Variants in AAK1 observed in about 807,000 individuals in gnomAD.
The protein encoded by AAK1 is AP2-associated protein kinase 1.
Under a neutral mutation model 116.0 loss-of-function variants are expected in AAK1, and 37 were observed. The ratio of observed to expected loss-of-function variants is 0.32; its 90% CI spans 0.25 to 0.42. The LOEUF (loss-of-function observed/expected upper bound fraction) is 0.42, where lower values mean the gene tolerates loss of function less well. Ranked by LOEUF, AAK1 falls within the 10% of genes least tolerant of loss-of-function variation. The probability of loss-of-function intolerance (pLI) is 1.00; values close to 1 mark genes in which losing one functional copy is unlikely to be tolerated. For missense variants in AAK1, 919 were observed against 1,170.6 expected, an observed-to-expected ratio of 0.79 and a Z score of 3.14; for synonymous variants, 458 against 439.9, an observed-to-expected ratio of 1.04 and a Z score of -0.51.
At chr2:69,574,398 A>T (rs964809697) in intron 2 of AAK1, among the ~76,000 whole-genome samples, 9 of 149,724 alleles carry the variant, frequency 6.0e-5, no homozygotes, top group African/African-American at 2.2e-4. Context: ...AAAAAAAAAA[A>T]AGAGAAGAGA....
chr2:69,476,713 T>C (rs1006514083), intron 21 of AAK1, among the ~76,000 whole-genome samples, 167 bp downstream of exon 21: 1 of 152,192 alleles, frequency 6.6e-6, no homozygotes, highest in Non-Finnish European at 1.5e-5. Flanking sequence ...ACTTTAAAGA[T>C]ACCTATCTCT....
intron 3 of AAK1, among the ~76,000 whole-genome samples, chr2:69,545,233 C>T (rs559768518): frequency 6.6e-6 from 1 of 152,228 alleles, no homozygotes; most frequent in African/African-American, 2.4e-5. Flanking sequence ...TGAGCACCTC[C>T]TATGTGTCAG....
intron 19 of AAK1, among the ~76,000 whole-genome samples, chr2:69,480,613 T>C (rs1318602601): frequency 1.3e-5 from 2 of 152,014 alleles, no homozygotes; most frequent in Non-Finnish European, 2.9e-5. Context: ...AAAGAAATAC[T>C]GTAACCAGAG....
At position 69,507,865 on chromosome 2, in the gene AAK1, C is replaced by T. The variant is rs1029621907; in HGVS notation, c.2007-287G>A. On this transcript the variant is annotated intron_variant, in intron 14 of 21. Coordinates refer to ENST00000409085, the MANE Select transcript of AAK1 (RefSeq NM_014911.5). ...GGGATTACAGGCGCATGCCACCACG[C>T]CTGGCTAATTTTTGTATTTTTAGTA... Among the ~76,000 whole-genome samples the T allele has an allele frequency of 2.0e-5, 3 of 152,076 alleles. No homozygotes were observed. In the East Asian group the frequency reaches 5.8e-4, roughly 29 times the overall value.
At chr2:69,544,886 A>C (rs948042965) in intron 3 of AAK1, among the ~76,000 whole-genome samples, 62 of 152,258 alleles carry the variant, frequency 4.1e-4, no homozygotes, top group Non-Finnish European at 4.3e-4. Flanking sequence ...TAAAGAGTAG[A>C]GAGACCGTGT....
intron 16 of AAK1, among the ~76,000 whole-genome samples, chr2:69,500,584 T>C (rs997915483): frequency 2.7e-5 from 4 of 150,516 alleles, no homozygotes; most frequent in South Asian, 2.1e-4. Flanking sequence ...ATGCCTCAAG[T>C]GCTTGATACA....
In AAK1 at chr2:69,464,387, A is replaced by G. The variant is rs533533871; in HGVS notation, c.*11482T>C. On this transcript the variant is annotated 3_prime_UTR_variant, in exon 22 of 22. Transcript: ENST00000409085. ...AATGTATAAGGAAAATTAATTTTTC[A>G]TAATCAGGTAAATATAATTTGTTAA... 6.6e-5 allele frequency: 10 copies of G among 152,416 alleles called. No individual in the cohort carries two copies. The East Asian group carries it at 1.9e-3, about 29-fold the overall frequency. 9.4% of individuals were successfully genotyped at this position (152,416 alleles called of 1,614,324 possible).
At chr2:69,614,648 C>T (rs1340627884) in intron 2 of AAK1, among the ~76,000 whole-genome samples, 1 of 152,190 alleles carries the variant, frequency 6.6e-6, no homozygotes, top group African/African-American at 2.4e-5. Context: ...AGGTCCATGT[C>T]CTAAGCCCAG....
At position 69,468,954 on chromosome 2, in the gene AAK1, A is replaced by G. The variant is rs1282225696; in HGVS notation, c.*6915T>C. 1 of 985,452 alleles carries G rather than the reference A, an allele frequency of 1.0e-6. No homozygotes were observed. Among genetic ancestry groups the G allele is most frequent in the Non-Finnish European group, 1.2e-6 (1 of 829,932 alleles). The allele number at this position is 985,452 out of a possible 1,614,324, so 61.0% of individuals were successfully genotyped here. A position where few individuals can be genotyped will look rare whatever the true frequency, so the allele number is the denominator to read the frequency against. ...CTGGGAAAATCAGACTTAAAATTCC[A>G]ACAACTTTGAATAATTTACAAAAAC... On this transcript the variant is annotated 3_prime_UTR_variant, in exon 22 of 22. Coordinates refer to ENST00000409085, the MANE Select transcript of AAK1 (RefSeq NM_014911.5).
intron 17 of AAK1, among the ~76,000 whole-genome samples, chr2:69,490,310 T>C (rs1483286963): frequency 6.6e-6 from 1 of 152,166 alleles, no homozygotes; most frequent in Non-Finnish European, 1.5e-5. Context: ...TTTCTGGGTA[T>C]ATACCCAAGA....
chr2:69,634,664 C>T (rs1573030252), intron 2 of AAK1, among the ~76,000 whole-genome samples: 1 of 152,200 alleles, frequency 6.6e-6, no homozygotes, highest in East Asian at 1.9e-4. Flanking sequence ...AGTCTCTAAG[C>T]TATGGGTTTG....
chr2:69,467,653 T>C lies in AAK1; in HGVS notation c.*8216A>G. ...AGATGACCCAGAACCTCTGTAGAGATGGAACTCAATGATCCCCTTCCCATA... is the reference window on the plus strand; with the variant it reads ...AGATGACCCAGAACCTCTGTAGAGACGGAACTCAATGATCCCCTTCCCATA... On this transcript the variant is annotated 3_prime_UTR_variant, in exon 22 of 22. Transcript: ENST00000409085. 4 of 985,420 alleles carry C rather than the reference T, an allele frequency of 4.1e-6. No individual in the cohort carries two copies. The highest frequency in any genetic ancestry group is 4.8e-6 in the Non-Finnish European group (4 of 829,934). The allele number at this position is 985,420 out of a possible 1,614,324, so 61.0% of individuals were successfully genotyped here.
intron 18 of AAK1, chr2:69,482,344 C>T (rs1675120659): frequency 3.4e-5 from 17 of 498,892 alleles, no homozygotes; most frequent in Non-Finnish European, 6.0e-5. Context: ...AAGAGTGAAA[C>T]TCTGTCTCAA....
At chr2:69,529,567 G>A (rs1670160259) in intron 8 of AAK1, among the ~76,000 whole-genome samples, 1 of 152,180 alleles carries the variant, frequency 6.6e-6, no homozygotes, top group African/African-American at 2.4e-5. Context: ...TAAATGAGAA[G>A]AAAAACCTGG....
intron 2 of AAK1, among the ~76,000 whole-genome samples, chr2:69,576,306 A>G (rs1672311560): frequency 6.6e-6 from 1 of 152,126 alleles, no homozygotes; most frequent in South Asian, 2.1e-4. Flanking sequence ...TTTAAGATAC[A>G]TATATGTTAA....
chr2:69,556,899 C>T lies in AAK1; in HGVS notation c.243G>A (p.Glu81=), dbSNP rs758501384. 1 of 1,613,942 alleles carries T rather than the reference C, an allele frequency of 6.2e-7. No homozygotes were observed. Among genetic ancestry groups the T allele is most frequent in the South Asian group, 1.1e-5 (1 of 91,086 alleles). ...CALKRMFVNN[E]HDLQVCKREI... is the part of the protein sequence containing the mutation. The stretch of plus-strand genomic sequence containing the variant: ...CTCTCTTGCACACCTGGAGATCATG[C>T]TCATTGTTGACAAACATGCGTTTCA... Residue 81 remains glutamate (E), a synonymous_variant, in exon 3 of 22, where the codon GAG becomes GAA. Coordinates refer to ENST00000409085, the MANE Select transcript of AAK1 (RefSeq NM_014911.5).
chr2:69,555,612 C>T (rs761682212), intron 3 of AAK1, among the ~76,000 whole-genome samples: 6 of 152,132 alleles, frequency 3.9e-5, no homozygotes, highest in Non-Finnish European at 8.8e-5. Flanking sequence ...TCTGCTATTA[C>T]CATTATTCAA....
chr2:69,509,904 G>A (rs938579766), intron 13 of AAK1, among the ~76,000 whole-genome samples: 2 of 152,126 alleles, frequency 1.3e-5, no homozygotes, highest in Non-Finnish European at 2.9e-5. Context: ...CAATGAAGAC[G>A]TATCTCCAGC....
At position 69,540,121 on chromosome 2, in the gene AAK1, C is replaced by CTTTTT. The variant is rs538276702; in HGVS notation, c.534+2397_534+2401dup. On this transcript the variant is annotated intron_variant, in intron 5 of 21. Coordinates refer to ENST00000409085, the MANE Select transcript of AAK1 (RefSeq NM_014911.5). The stretch of plus-strand genomic sequence containing the variant: ...AACATGCATTCCCTGCCCCACTTGC[C>CTTTTT]TTTTTTTTTTTTTTTTTTGAGACAG... Among the ~76,000 whole-genome samples, 17 of 127,814 alleles carry CTTTTT rather than the reference C, an allele frequency of 1.3e-4. 4 individuals are homozygous for CTTTTT. Among genetic ancestry groups the CTTTTT allele is most frequent in the African/African-American group, 3.1e-4 (10 of 32,360 alleles). 83.9% of individuals were successfully genotyped at this position (127,814 alleles called of 152,430 possible). A position where few individuals can be genotyped will look rare whatever the true frequency, so the allele number is the denominator to read the frequency against.
Sources: allele counts gnomAD v4.1 joint callset (sites outside exome capture counted in the v4.1 genomes callset), GRCh38; gene constraint gnomAD v4.1.1; transcripts MANE v1.5; gene names NCBI Gene and HGNC (gene_info 2026-07-23, HGNC 2026-07-21).